The following MARCHF1 variants were observed in gnomAD, a reference collection of about 807,000 sequenced individuals.
MARCHF1 encodes E3 ubiquitin-protein ligase MARCHF1.
MARCHF1 carries 40 observed loss-of-function variants against 54.2 expected under a neutral mutation model. That is an observed-to-expected ratio of 0.74 (90% CI 0.57 to 0.96). MARCHF1 has a LOEUF of 0.96. MARCHF1 is among the 40% of genes least tolerant of loss of function. The pLI, the probability that MARCHF1 is intolerant of heterozygous loss-of-function variation, is 0.00. For synonymous variants in MARCHF1, 236 were observed against 236.3 expected, an observed-to-expected ratio of 1.00 and a Z score of 0.01; for missense variants, 586 against 656.5, an observed-to-expected ratio of 0.89 and a Z score of 1.17.
At chr4:164,099,487 T>G (rs1755489404) in intron 2 of MARCHF1, among the ~76,000 whole-genome samples, 1 of 152,162 alleles carries the variant, frequency 6.6e-6, no homozygotes, top group Non-Finnish European at 1.5e-5. Flanking sequence ...TAAGCTCTAT[T>G]TCCTAGAAAA....
At chr4:164,075,050 G>A (rs1175522942) in intron 2 of MARCHF1, among the ~76,000 whole-genome samples, 1 of 152,014 alleles carries the variant, frequency 6.6e-6, no homozygotes, top group South Asian at 2.1e-4. Flanking sequence ...TGATAAAATA[G>A]ATCAGTAATT....
At chr4:163,691,842 G>T (rs72683467) in intron 5 of MARCHF1, among the ~76,000 whole-genome samples, 34 of 152,280 alleles carry the variant, frequency 2.2e-4, no homozygotes, top group Non-Finnish European at 4.0e-4. Flanking sequence ...TTACCCAGCT[G>T]CTGTGTGGCT....
At chr4:164,292,481 A>C (rs1006280504) in intron 1 of MARCHF1, among the ~76,000 whole-genome samples, 1 of 152,156 alleles carries the variant, frequency 6.6e-6, no homozygotes, top group African/African-American at 2.4e-5. Context: ...CACAGATGTT[A>C]ATAAACAGTT....
chr4:164,374,166 C>T (rs538460918), intron 1 of MARCHF1, among the ~76,000 whole-genome samples: 3 of 152,088 alleles, frequency 2.0e-5, no homozygotes, highest in African/African-American at 7.2e-5. Flanking sequence ...TTTTCCTCTA[C>T]ATATAATTTA....
chr4:164,327,765 C>T (rs1197069605), intron 1 of MARCHF1, among the ~76,000 whole-genome samples: 1 of 152,144 alleles, frequency 6.6e-6, no homozygotes, highest in East Asian at 1.9e-4. Context: ...TTTCTAATTT[C>T]GTGTAGGAAT....
At chr4:164,342,996 G>A (rs1729973242) in intron 1 of MARCHF1, among the ~76,000 whole-genome samples, 1 of 152,062 alleles carries the variant, frequency 6.6e-6, no homozygotes, top group Non-Finnish European at 1.5e-5. Flanking sequence ...GGGATAAAGA[G>A]GGAGAGGCTG....
chr4:164,169,288 G>A (rs902800703), intron 1 of MARCHF1, among the ~76,000 whole-genome samples: 1 of 152,038 alleles, frequency 6.6e-6, no homozygotes, highest in Non-Finnish European at 1.5e-5. Context: ...TTGCCTTTGA[G>A]GTGCTCCTTT....
At chr4:164,226,873 G>A (rs1000840791) in intron 1 of MARCHF1, among the ~76,000 whole-genome samples, 1 of 152,038 alleles carries the variant, frequency 6.6e-6, no homozygotes, top group African/African-American at 2.4e-5. Flanking sequence ...AGGAGATCTA[G>A]TGATGAAAAT....
intron 3 of MARCHF1, among the ~76,000 whole-genome samples, chr4:163,885,352 A>G (rs1750502902): frequency 6.6e-6 from 1 of 152,164 alleles, no homozygotes; most frequent in African/African-American, 2.4e-5. Flanking sequence ...ATCATTTGTT[A>G]TGGACCAGTG....
At chr4:164,311,621 CTT>C (rs1023795246) in intron 1 of MARCHF1, among the ~76,000 whole-genome samples, 3 of 152,098 alleles carry the variant, frequency 2.0e-5, no homozygotes, top group Admixed American at 2.0e-4. Context: ...TAAATATCAT[CTT>C]GAGTCCTATT....
At chr4:164,165,380 C>G (rs1157980626) in intron 1 of MARCHF1, among the ~76,000 whole-genome samples, 1 of 151,896 alleles carries the variant, frequency 6.6e-6, no homozygotes, top group Middle Eastern at 3.2e-3. Flanking sequence ...CTCTCTCTCT[C>G]TCTGCCTCTG....
At chr4:164,073,248 A>G (rs1754907362) in intron 2 of MARCHF1, among the ~76,000 whole-genome samples, 1 of 152,176 alleles carries the variant, frequency 6.6e-6, no homozygotes, top group Admixed American at 6.5e-5. Context: ...ACCAACCCAA[A>G]ATCCCCATCA....
At chr4:164,015,570 A>G (rs1442077969) in intron 2 of MARCHF1, among the ~76,000 whole-genome samples, 6 of 152,220 alleles carry the variant, frequency 3.9e-5, no homozygotes, top group Non-Finnish European at 7.3e-5. Context: ...ACAAGGGATT[A>G]ACATCCAGAA....
At chr4:163,670,388 G>GTCTATCTA (rs74831110) in intron 5 of MARCHF1, among the ~76,000 whole-genome samples, 4,055 of 150,088 alleles carry the variant, frequency 0.027, 141 homozygotes, top group African/African-American at 0.081. Flanking sequence ...CTATCTGTCT[G>GTCTATCTA]TCTATCTATC....
At chr4:163,621,845 A>G (rs189096815) in intron 5 of MARCHF1, among the ~76,000 whole-genome samples, 1 of 152,256 alleles carries the variant, frequency 6.6e-6, no homozygotes, top group Non-Finnish European at 1.5e-5. Flanking sequence ...GAAGGGTATG[A>G]GGAAGACTCA....
intron 4 of MARCHF1, among the ~76,000 whole-genome samples, chr4:163,733,630 G>A (rs531286997): frequency 1.6e-4 from 24 of 151,596 alleles, no homozygotes; most frequent in Admixed American, 5.3e-4. Context: ...AACAGTCCCC[G>A]GAGTGTGATA....
At chr4:163,697,239 T>G (rs1048244122) in intron 5 of MARCHF1, among the ~76,000 whole-genome samples, 2 of 152,122 alleles carry the variant, frequency 1.3e-5, no homozygotes, top group Admixed American at 1.3e-4. Flanking sequence ...GACTCCAGAC[T>G]CCCACAAGGA....
chr4:163,888,538 G>A (rs1750588382), intron 3 of MARCHF1, among the ~76,000 whole-genome samples: 1 of 152,194 alleles, frequency 6.6e-6, no homozygotes, highest in South Asian at 2.1e-4. Context: ...TTTGTCTTTA[G>A]CAAAAGAAAA....
At chr4:163,937,911 A>G (rs1042175179) in intron 3 of MARCHF1, among the ~76,000 whole-genome samples, 23 of 152,166 alleles carry the variant, frequency 1.5e-4, no homozygotes, top group Non-Finnish European at 2.6e-4. Context: ...ATGTGACTCC[A>G]TCCTCCACCC....
Sources: gnomAD v4.1 joint callset for allele counts (sites outside exome capture counted in the v4.1 genomes callset) on GRCh38, gnomAD v4.1.1 for gene constraint, MANE v1.5 for transcripts, NCBI Gene and HGNC (gene_info 2026-07-23, HGNC 2026-07-21) for gene names.